The following NUTF2 variants were observed in gnomAD, a reference collection of about 807,000 sequenced individuals.
The protein encoded by NUTF2 is placental protein 15.
NUTF2 carries 3 observed loss-of-function variants against 18.5 expected under a neutral mutation model. The ratio of observed to expected loss-of-function variants is 0.16; its 90% CI spans 0.07 to 0.42. NUTF2 has a LOEUF of 0.42. Among genes scored for constraint, NUTF2 ranks in the 10% least tolerant of loss-of-function variants. The pLI, the probability that NUTF2 is intolerant of heterozygous loss-of-function variation, is 0.99. For missense variants in NUTF2, 44 were observed against 160.7 expected, an observed-to-expected ratio of 0.27 and a Z score of 3.93; for synonymous variants, 51 against 57.9, an observed-to-expected ratio of 0.88 and a Z score of 0.54.
chr16:67,866,468 A>AT (rs956762121), intron 2 of NUTF2, among the ~76,000 whole-genome samples: 249 of 145,246 alleles, frequency 1.7e-3, no homozygotes, highest in Admixed American at 1.9e-3. Context: ...ACCAAGCCTA[A>AT]TTTTTTTTTT....
rs1326454323 is a variant in NUTF2 at position 67,848,197 on chromosome 16, T to A, written c.-30+1212T>A. ...CGCTTCTGATTGAGAGATGGTAAAT[T>A]AAGGAACCAGTCCAGAGAAGACCTT... On this transcript the variant is annotated intron_variant, in intron 1 of 4. Transcript: ENST00000219169. Among the ~76,000 whole-genome samples, 5 of 152,184 alleles carry A rather than the reference T, an allele frequency of 3.3e-5. No homozygotes were observed. In the South Asian group the frequency reaches 8.3e-4, roughly 25 times the overall value.
At chr16:67,849,583 A>G (rs912411373) in intron 1 of NUTF2, among the ~76,000 whole-genome samples, 1 of 151,922 alleles carries the variant, frequency 6.6e-6, no homozygotes, top group Admixed American at 6.6e-5. Flanking sequence ...CAGGTGGTCT[A>G]CCTGCCTTGG....
At chr16:67,851,971 G>A (rs957205330) in intron 1 of NUTF2, among the ~76,000 whole-genome samples, 12 of 151,956 alleles carry the variant, frequency 7.9e-5, no homozygotes, top group Non-Finnish European at 1.5e-4. Flanking sequence ...AGCTGAGACT[G>A]TGCCATTGCG....
intron 4 of NUTF2, 123 bp downstream of exon 4, chr16:67,868,722 C>T: frequency 1.2e-6 from 1 of 865,446 alleles, no homozygotes; most frequent in Non-Finnish European, 1.8e-6. Context: ...CTGTCTAGAG[C>T]TGCGTAGTTC....
intron 4 of NUTF2, chr16:67,869,938 T>C (rs377386975): frequency 6.6e-6 from 1 of 152,272 alleles, no homozygotes; most frequent in African/African-American, 2.4e-5. Context: ...CAGGGCTTCC[T>C]GAGTCCAGAG....
At chr16:67,851,981 G>A (rs1456226963) in intron 1 of NUTF2, among the ~76,000 whole-genome samples, 2 of 151,742 alleles carry the variant, frequency 1.3e-5, no homozygotes, top group African/African-American at 4.8e-5. Context: ...GTGCCATTGC[G>A]CTCCAGCCTG....
chr16:67,850,594 G>A (rs1481156344), intron 1 of NUTF2, among the ~76,000 whole-genome samples: 2 of 152,154 alleles, frequency 1.3e-5, no homozygotes, highest in African/African-American at 2.4e-5. Context: ...GGAACTTGGC[G>A]GGCCATCTAG....
intron 1 of NUTF2, chr16:67,856,121 C>T: frequency 2.2e-6 from 1 of 455,446 alleles, no homozygotes. Flanking sequence ...CTTGTAACAC[C>T]TGATTTTGTC....
chr16:67,850,380 G>A (rs1430924280), intron 1 of NUTF2, among the ~76,000 whole-genome samples: 1 of 151,802 alleles, frequency 6.6e-6, no homozygotes, highest in Non-Finnish European at 1.5e-5. Flanking sequence ...AATTTTTTGT[G>A]TGTTTTTAGT....
intron 4 of NUTF2, among the ~76,000 whole-genome samples, chr16:67,869,572 G>A (rs943650566): frequency 6.6e-6 from 1 of 151,508 alleles, no homozygotes; most frequent in African/African-American, 2.4e-5. Flanking sequence ...GATTACCTGA[G>A]GTCAGGAGTT....
At chr16:67,852,465 T>C (rs1394934379) in intron 1 of NUTF2, among the ~76,000 whole-genome samples, 1 of 151,424 alleles carries the variant, frequency 6.6e-6, no homozygotes, top group African/African-American at 2.4e-5. Flanking sequence ...CAAGCAATTC[T>C]CCTGTGTCAA....
chr16:67,857,934 C>T (rs1309999858), intron 1 of NUTF2, among the ~76,000 whole-genome samples: 2 of 152,214 alleles, frequency 1.3e-5, no homozygotes, highest in Non-Finnish European at 1.5e-5. Context: ...ACTTACTCCT[C>T]CTCCAGAGAA....
In NUTF2 at chr16:67,856,811, C is replaced by A. The variant is rs369695180; in HGVS notation, c.-29-8291C>A. ...AGGCATGAGCCACTGTGCCCGGCCC[C>A]ATCTCGGCCAGTTTTGTGGACATTC... On this transcript the variant is annotated intron_variant, in intron 1 of 4. Transcript: ENST00000219169. Among the ~76,000 whole-genome samples the A allele has an allele frequency of 5.4e-4, 83 of 152,304 alleles. 1 individual carries two copies. Among genetic ancestry groups the A allele is most frequent in the African/African-American group, 1.9e-3 (78 of 41,570 alleles).
chr16:67,870,609 T>C, intron 4 of NUTF2, 191 bp from the exon 5 acceptor site: 1 of 600,368 alleles, frequency 1.7e-6, no homozygotes, highest in Non-Finnish European at 3.0e-6. Context: ...TTGGCCTACA[T>C]GTGCCCAGGG....
Position 67,851,100 on chromosome 16 carries a change from C to G in NUTF2, c.-30+4115C>G, listed in dbSNP as rs553474663. ...ACAGGTGTGAGCCACCGCACCTGGCCGAGCCCATCTCTTCTCTCTGAGCCA... is the reference window on the plus strand; with the variant it reads ...ACAGGTGTGAGCCACCGCACCTGGCGGAGCCCATCTCTTCTCTCTGAGCCA... On this transcript the variant is annotated intron_variant, in intron 1 of 4. Transcript: ENST00000219169. Among the ~76,000 whole-genome samples, 953 of 152,126 alleles carry G rather than the reference C, an allele frequency of 6.3e-3. 10 individuals carry two copies. Among genetic ancestry groups the G allele is most frequent in the Non-Finnish European group, 0.011 (752 of 67,994 alleles).
chr16:67,866,762 C>T lies in NUTF2; in HGVS notation c.99+1533C>T, dbSNP rs1037361841. ...GATTACAGGCATAAGCCACCGCGCC[C>T]GGCTACACCTAATTTTTGTATTTTT... On this transcript the variant is annotated intron_variant, in intron 2 of 4. Coordinates refer to ENST00000219169, the MANE Select transcript of NUTF2 (RefSeq NM_005796.3). Among the ~76,000 whole-genome samples, 12 of 152,004 alleles carry T rather than the reference C, an allele frequency of 7.9e-5. No individual in the cohort carries two copies. In the South Asian group the frequency reaches 1.9e-3, roughly 24 times the overall value.
rs1382092893 is a variant in NUTF2 at position 67,872,273 on chromosome 16, CAT to C, written c.*1361_*1362del. 1 of 152,248 alleles carries C rather than the reference CAT, an allele frequency of 6.6e-6. No homozygotes were observed. Among genetic ancestry groups the C allele is most frequent in the East Asian group, 1.9e-4 (1 of 5,200 alleles). 9.4% of individuals were successfully genotyped at this position (152,248 alleles called of 1,614,324 possible). A position where few individuals can be genotyped will look rare whatever the true frequency, so the allele number is the denominator to read the frequency against. On this transcript the variant is annotated 3_prime_UTR_variant, in exon 5 of 5. Coordinates refer to ENST00000219169, the MANE Select transcript of NUTF2 (RefSeq NM_005796.3). ...GTAAGGACACCACAGCTAAATCTGA[CAT>C]GTAAAAGGATACCCTTCCCCTGTCC...
intron 2 of NUTF2, among the ~76,000 whole-genome samples, chr16:67,867,086 C>T (rs371634408): frequency 5.9e-5 from 9 of 152,114 alleles, no homozygotes; most frequent in African/African-American, 1.9e-4. Context: ...ATTCTCATGC[C>T]TCAGCCTCCC....
chr16:67,850,918 A>G (rs938125437), intron 1 of NUTF2, among the ~76,000 whole-genome samples: 1 of 151,914 alleles, frequency 6.6e-6, no homozygotes, highest in African/African-American at 2.4e-5. Flanking sequence ...CTCCTGCCTC[A>G]GCCACCCGAG....
Sources: allele counts gnomAD v4.1 joint callset (sites outside exome capture counted in the v4.1 genomes callset), GRCh38; gene constraint gnomAD v4.1.1; transcripts MANE v1.5; gene names NCBI Gene and HGNC (gene_info 2026-07-23, HGNC 2026-07-21).